Variants in KBTBD6 observed in about 807,000 individuals in gnomAD.
The protein encoded by KBTBD6 is kelch repeat and BTB domain containing 6, also known as kelch repeat and BTB domain-containing protein 6.
A neutral mutation model predicts 34.4 loss-of-function variants in KBTBD6; 6 were observed. That is an observed-to-expected ratio of 0.17 (90% CI 0.10 to 0.34). KBTBD6 has a LOEUF of 0.34. Among genes scored for constraint, KBTBD6 ranks in the 10% least tolerant of loss-of-function variants. The probability of loss-of-function intolerance (pLI) is 1.00; values close to 1 mark genes in which losing one functional copy is unlikely to be tolerated. For missense variants in KBTBD6, 557 were observed against 856.0 expected, an observed-to-expected ratio of 0.65 and a Z score of 4.36; for synonymous variants, 288 against 327.2, an observed-to-expected ratio of 0.88 and a Z score of 1.29.
chr13:41,131,777 C>T lies in KBTBD6; in HGVS notation c.735G>A (p.Gln245=), dbSNP rs1311520737. 1 of 1,614,284 alleles carries T rather than the reference C, an allele frequency of 6.2e-7. No individual in the cohort carries two copies. Among genetic ancestry groups the T allele is most frequent in the South Asian group, 1.1e-5 (1 of 91,092 alleles). ...SEQTVCHVAV[Q]WLEAAPKERG... is the part of the protein sequence containing the mutation. ...GCTCTTTGGGAGCAGCCTCCAGCCA[C>T]TGCACTGCCACATGGCACACTGTCT... The change falls in exon 1 of 1, where the codon CAG becomes CAA. Residue 245 remains glutamine, a synonymous_variant. Coordinates refer to ENST00000379485, the MANE Select transcript of KBTBD6 (RefSeq NM_152903.5). This position sits in a 1 kb window ranked among gnomAD's most constrained non-coding sequence, Gnocchi z 5.8.
chr13:41,131,770 C>T lies in KBTBD6; in HGVS notation c.742G>A (p.Glu248Lys). The T allele has an allele frequency of 6.2e-7, 1 of 1,614,272 alleles. No homozygotes were observed. The highest frequency in any genetic ancestry group is 8.5e-7 in the Non-Finnish European group (1 of 1,180,054). The change falls in exon 1 of 1, where the codon GAG becomes AAG. Residue 248 changes from glutamate (E) to lysine (K), a missense_variant. Physicochemically the swap from Glu to Lys is moderately conservative, Grantham distance 56 (BLOSUM62 1). Transcript: ENST00000379485. The surrounding 1 kb of genome is among the most constrained non-coding windows in gnomAD (Gnocchi z 5.8). ...TVCHVAVQWL[E>K]AAPKERGPSA... ...GGACCCCGCTCTTTGGGAGCAGCCT[C>T]CAGCCACTGCACTGCCACATGGCAC...
rs748358631 is a variant in KBTBD6, at chr13:41,132,478, G to A, written c.34C>T (p.Arg12Cys). The A allele has an allele frequency of 6.2e-7, 1 of 1,614,204 alleles. No homozygotes were observed. Among genetic ancestry groups the A allele is most frequent in the East Asian group, 2.2e-5 (1 of 44,886 alleles). ...TTCCCACCACGGGGACTGGCTAGGC[G>A]GCGAGAGCGCGGGGCGTCTTCCCGG... ...QSREDAPRSR[R>C]LASPRGGKRP... The change falls in exon 1 of 1, where the codon CGC (arginine) becomes TGC (cysteine). Residue 12 changes from arginine to cysteine, a missense_variant. Coordinates refer to ENST00000379485, the MANE Select transcript of KBTBD6 (RefSeq NM_152903.5).
rs149079008 is a variant in KBTBD6, at chr13:41,131,390, G to C, written c.1122C>G (p.Thr374=). The C allele has an allele frequency of 1.2e-6, 2 of 1,614,112 alleles. No homozygotes were observed. Among genetic ancestry groups the C allele is most frequent in the African/African-American group, 1.3e-5 (1 of 75,044 alleles). ...GDLYKVPSPL[T]CLAHTRTVTT... is the part of the protein sequence containing the mutation. ...TGACAGTCCTAGTGTGAGCCAGACA[G>C]GTCAAAGGTGACGGCACTTTGTAAA... The change falls in exon 1 of 1, where the codon ACC becomes ACG. Residue 374 remains threonine, a synonymous_variant. Transcript: ENST00000379485. This position sits in a 1 kb window ranked among gnomAD's most constrained non-coding sequence, Gnocchi z 5.8.
chr13:41,132,095 G>A lies in KBTBD6; in HGVS notation c.417C>T (p.Ala139=). ...CYTGRVSLSE[A]NVERLYAASD... is the part of the protein sequence containing the mutation. Reference sequence around the variant, plus strand: ...AGGCCGCGTACAGGCGCTCCACGTTGGCCTCACTGAGAGACACACGACCCG... The same window carrying A: ...AGGCCGCGTACAGGCGCTCCACGTTAGCCTCACTGAGAGACACACGACCCG... Residue 139 remains alanine (A), a synonymous_variant, in exon 1 of 1, where the codon GCC becomes GCT. Coordinates refer to ENST00000379485, the MANE Select transcript of KBTBD6 (RefSeq NM_152903.5). The A allele has an allele frequency of 1.9e-6, 3 of 1,614,182 alleles. No individual in the cohort carries two copies. Among genetic ancestry groups the A allele is most frequent in the Non-Finnish European group, 2.5e-6 (3 of 1,180,048 alleles).
chr13:41,132,462 C>G lies in KBTBD6; in HGVS notation c.50G>C (p.Arg17Pro), dbSNP rs557215470. Residue 17 changes from arginine to proline, a missense_variant, in exon 1 of 1, where the codon CGT becomes CCT. Arg to Pro is a moderately radical substitution (Grantham distance 103). Coordinates refer to ENST00000379485, the MANE Select transcript of KBTBD6 (RefSeq NM_152903.5). ...AATCTTCTTGGGCCGCTTCCCACCA[C>G]GGGGACTGGCTAGGCGGCGAGAGCG... ...APRSRRLASPRGGKRPKKIHK... is the reference protein window; with the variant it reads ...APRSRRLASPPGGKRPKKIHK... 6.2e-7 allele frequency: 1 copy of G among 1,614,216 alleles called. No individual in the cohort carries two copies. Among genetic ancestry groups the G allele is most frequent in the East Asian group, 2.2e-5 (1 of 44,884 alleles).
Position 41,132,430 on chromosome 13 carries a change from G to T in KBTBD6, c.82C>A (p.Pro28Thr). Residue 28 changes from proline (P) to threonine (T), a missense_variant, in exon 1 of 1, where the codon CCC becomes ACC. Around this residue, in one of 4 missense-constraint regions of KBTBD6, gnomAD observed 40 missense variants for 39.9 expected, o/e 1.00. Transcript: ENST00000379485. ...CCCGTGAAAAAGGCCGAAACTGTGG[G>T]TTTGTGAATCTTCTTGGGCCGCTTC... The part of the protein sequence containing the change: ...GGKRPKKIHK[P>T]TVSAFFTGPE... The T allele has an allele frequency of 6.2e-7, 1 of 1,614,218 alleles. No homozygotes were observed. The highest frequency in any genetic ancestry group is 8.5e-7 in the Non-Finnish European group (1 of 1,180,050).
chr13:41,130,887 G>C lies in KBTBD6; in HGVS notation c.1625C>G (p.Ala542Gly). The C allele has an allele frequency of 6.2e-7, 1 of 1,614,070 alleles. No homozygotes were observed. The highest frequency in any genetic ancestry group is 8.5e-7 in the Non-Finnish European group (1 of 1,179,976). ...PVMKVYNPVR[A>G]EWRQMNNIPL... ...AATATTATTCATTTGCCTCCATTCT[G>C]CCCTAACTGGGTTGTAGACCTTCAT... is the stretch of plus-strand genomic sequence containing the variant. Residue 542 changes from alanine to glycine, a missense_variant, in exon 1 of 1, where the codon GCA becomes GGA. Physicochemically the swap from Ala to Gly is moderately conservative, Grantham distance 60 (BLOSUM62 0). Coordinates refer to ENST00000379485, the MANE Select transcript of KBTBD6 (RefSeq NM_152903.5). The surrounding 1 kb of genome is among the most constrained non-coding windows in gnomAD (Gnocchi z 4.8).
rs1307691891 is a variant in KBTBD6, at chr13:41,132,600, TAGC to T, written c.-92_-90del. The stretch of plus-strand genomic sequence containing the variant: ...CAACCTTCCCTCGCTGACGCTAAGA[TAGC>T]AGCGTCTCCGAAGAGACAGCAGCAC... On this transcript the variant is annotated 5_prime_UTR_variant, in exon 1 of 1. Transcript: ENST00000379485. The T allele has an allele frequency of 2.8e-6, 4 of 1,433,512 alleles. No homozygotes were observed. In the African/African-American group the frequency reaches 4.3e-5, roughly 15 times the overall value. 88.8% of individuals were successfully genotyped at this position (1,433,512 alleles called of 1,614,324 possible).
rs2030054252 is a variant in KBTBD6 at position 41,129,671 on chromosome 13, T to C, written c.*816A>G. 1 of 133,592 alleles carries C rather than the reference T, an allele frequency of 7.5e-6. No individual in the cohort carries two copies. The highest frequency in any genetic ancestry group is 1.6e-5 in the Non-Finnish European group (1 of 62,758). 8.3% of individuals were successfully genotyped at this position (133,592 alleles called of 1,614,324 possible). ...TTTCTTTTTTTTTTTTCCTTTTTTT[T>C]TTTTTTTTTTTTTTGAGACGGAGTC... On this transcript the variant is annotated 3_prime_UTR_variant, in exon 1 of 1. Coordinates refer to ENST00000379485, the MANE Select transcript of KBTBD6 (RefSeq NM_152903.5).
In KBTBD6 at chr13:41,130,977, C is replaced by T. The variant is rs748773603; in HGVS notation, c.1535G>A (p.Arg512His). ...GACGCAGGCTTCCTGAAAGTCATTG[C>T]GCTTCAGAGAAACGCACTTCAGCCA... ...NMWLKCVSLK[R>H]NDFQEACVFN... is the part of the protein sequence containing the mutation. Residue 512 changes from arginine to histidine, a missense_variant, in exon 1 of 1, where the codon CGC becomes CAC. Transcript: ENST00000379485. The surrounding 1 kb of genome is among the most constrained non-coding windows in gnomAD (Gnocchi z 4.8). 2.5e-6 allele frequency: 4 copies of T among 1,613,976 alleles called. No homozygotes were observed. The highest frequency in any genetic ancestry group is 2.2e-5 in the South Asian group (2 of 91,094).
Position 41,132,278 on chromosome 13 carries a change from C to T in KBTBD6, c.234G>A (p.Thr78=), listed in dbSNP as rs1179522447. Reference sequence around the variant, plus strand: ...TGCGGTTGCAGGGGAACAGGCGACCCGTGCCAGGCCCGCTGCCAGGCGTCA... The same window carrying T: ...TGCGGTTGCAGGGGAACAGGCGACCTGTGCCAGGCCCGCTGCCAGGCGTCA... ...EVVTPGSGPG[T]GRLFPCNRNV... is the part of the protein sequence containing the mutation. Residue 78 remains threonine, a synonymous_variant, in exon 1 of 1, where the codon ACG becomes ACA. Transcript: ENST00000379485. 1 of 1,614,112 alleles carries T rather than the reference C, an allele frequency of 6.2e-7. No individual in the cohort carries two copies.
Position 41,131,084 on chromosome 13 carries a change from G to C in KBTBD6, c.1428C>G (p.Ser476=), listed in dbSNP as rs373291336. 121 of 1,614,042 alleles carry C rather than the reference G, an allele frequency of 7.5e-5. No individual in the cohort carries two copies. The highest frequency in any genetic ancestry group is 9.7e-5 in the Non-Finnish European group (115 of 1,180,032). Residue 476 remains serine (S), a synonymous_variant, in exon 1 of 1, where the codon TCC becomes TCG. Transcript: ENST00000379485. This position sits in a 1 kb window ranked among gnomAD's most constrained non-coding sequence, Gnocchi z 5.8. ...LVAPLPHSFL[S]FDLMVIRDYL... is the part of the protein sequence containing the mutation. ...AGTCTCGAATTACCATTAGGTCAAA[G>C]GATAAAAAAGAATGGGGCAGTGGAG...
rs766944193 is a variant in KBTBD6 at position 41,132,620 on chromosome 13, C to G, written c.-109G>C. 49 of 1,296,786 alleles carry G rather than the reference C, an allele frequency of 3.8e-5. No homozygotes were observed. The highest frequency in any genetic ancestry group is 9.4e-5 in the East Asian group (4 of 42,468). 80.3% of individuals were successfully genotyped at this position (1,296,786 alleles called of 1,614,324 possible). ...TAAGATAGCAGCGTCTCCGAAGAGACAGCAGCACGAGCCCATTTACTGAAT... is the reference window on the plus strand; with the variant it reads ...TAAGATAGCAGCGTCTCCGAAGAGAGAGCAGCACGAGCCCATTTACTGAAT... On this transcript the variant is annotated 5_prime_UTR_variant, in exon 1 of 1. Transcript: ENST00000379485.
rs1186093998 is a variant in KBTBD6 at position 41,129,406 on chromosome 13, G to C, written c.*1081C>G. The C allele has an allele frequency of 1.3e-5, 2 of 152,098 alleles. No homozygotes were observed. The highest frequency in any genetic ancestry group is 3.9e-4 in the East Asian group (2 of 5,188). 9.4% of individuals were successfully genotyped at this position (152,098 alleles called of 1,614,324 possible). ...TAGATCAACAATACAAACCTACAAA[G>C]CAAGTTACTTCTTTTTTAAGGTTTT... On this transcript the variant is annotated 3_prime_UTR_variant, in exon 1 of 1. Transcript: ENST00000379485.
chr13:41,128,485 G>A lies in KBTBD6; in HGVS notation c.*2002C>T. On this transcript the variant is annotated 3_prime_UTR_variant, in exon 1 of 1. Coordinates refer to ENST00000379485, the MANE Select transcript of KBTBD6 (RefSeq NM_152903.5). ...TATGGTAACAGAAAAACAAAGACTGGAGCATGGTTTACAGAGAAATACAAA... is the reference window on the plus strand; with the variant it reads ...TATGGTAACAGAAAAACAAAGACTGAAGCATGGTTTACAGAGAAATACAAA... The A allele has an allele frequency of 7.6e-6, 3 of 397,064 alleles. No individual in the cohort carries two copies. Among genetic ancestry groups the A allele is most frequent in the South Asian group, 2.6e-4 (2 of 7,830 alleles). The allele number at this position is 397,064 out of a possible 1,614,324, so 24.6% of individuals were successfully genotyped here. A position where few individuals can be genotyped will look rare whatever the true frequency, so the allele number is the denominator to read the frequency against.
chr13:41,131,811 T>C lies in KBTBD6; in HGVS notation c.701A>G (p.Glu234Gly). ...CACATGGCACACTGTCTGCTCACTC[T>C]CCACGTCCAGACTATCCAAGCGCAG... Reference protein sequence around the residue: ...AVLRLDSLDVESEQTVCHVAV... With the variant: ...AVLRLDSLDVGSEQTVCHVAV... The change falls in exon 1 of 1, where the codon GAG becomes GGG. Residue 234 changes from glutamate (E) to glycine (G), a missense_variant. Glu to Gly is a moderately conservative substitution (Grantham distance 98). Coordinates refer to ENST00000379485, the MANE Select transcript of KBTBD6 (RefSeq NM_152903.5). The surrounding 1 kb of genome is among the most constrained non-coding windows in gnomAD (Gnocchi z 5.8). 2.5e-6 allele frequency: 4 copies of C among 1,614,272 alleles called. No individual in the cohort carries two copies. Among genetic ancestry groups the C allele is most frequent in the Non-Finnish European group, 3.4e-6 (4 of 1,180,050 alleles).
rs764696194 is a variant in KBTBD6 at position 41,131,231 on chromosome 13, G to A, written c.1281C>T (p.Gly427=). Residue 427 remains glycine (G), a synonymous_variant, in exon 1 of 1, where the codon GGC becomes GGT. Coordinates refer to ENST00000379485, the MANE Select transcript of KBTBD6 (RefSeq NM_152903.5). This position sits in a 1 kb window ranked among gnomAD's most constrained non-coding sequence, Gnocchi z 5.8. ...QLADRLLCRE[G]MDVAYLNGYI... ...AGCCATTGAGATATGCCACATCCATGCCCTCACGACACAGCAAGCGATCTG... is the reference window on the plus strand; with the variant it reads ...AGCCATTGAGATATGCCACATCCATACCCTCACGACACAGCAAGCGATCTG... The A allele has an allele frequency of 1.9e-6, 3 of 1,614,146 alleles. No individual in the cohort carries two copies. Among genetic ancestry groups the A allele is most frequent in the Non-Finnish European group, 2.5e-6 (3 of 1,180,036 alleles).
rs761796945 is a variant in KBTBD6, at chr13:41,131,981, G to A, written c.531C>T (p.Leu177=). ...RLDLTNCTAI[L]KFADAFGHRK... ...GATGGCCAAAGGCATCTGCAAACTT[G>A]AGGATGGCGGTGCAGTTGGTCAGGT... The change falls in exon 1 of 1, where the codon CTC becomes CTT. Residue 177 remains leucine (L), a synonymous_variant. Transcript: ENST00000379485. This position sits in a 1 kb window ranked among gnomAD's most constrained non-coding sequence, Gnocchi z 5.8. 1.9e-6 allele frequency: 3 copies of A among 1,614,282 alleles called. No homozygotes were observed. Among genetic ancestry groups the A allele is most frequent in the Non-Finnish European group, 2.5e-6 (3 of 1,180,052 alleles).
At position 41,132,773 on chromosome 13, in the gene KBTBD6, A is replaced by C. The variant is rs2030137382; in HGVS notation, c.-262T>G. Reference sequence around the variant, plus strand: ...GGACCCGCTGGCTTGGAGCCGCAGAAGCCGCTACTGCAGCGTGGGCGACAA... The same window carrying C: ...GGACCCGCTGGCTTGGAGCCGCAGACGCCGCTACTGCAGCGTGGGCGACAA... On this transcript the variant is annotated 5_prime_UTR_variant, in exon 1 of 1. Transcript: ENST00000379485. The C allele has an allele frequency of 1.9e-6, 1 of 529,846 alleles. No homozygotes were observed. The highest frequency in any genetic ancestry group is 3.2e-5 in the East Asian group (1 of 31,610). The allele number at this position is 529,846 out of a possible 1,614,324, so 32.8% of individuals were successfully genotyped here.
Sources: gnomAD v4.1 joint callset for allele counts on GRCh38, gnomAD v4.1.1 for gene constraint, gnomAD v4.1.1 regional missense constraint, Gnocchi (gnomAD v3.1) non-coding constraint, MANE v1.5 for transcripts, NCBI Gene and HGNC (gene_info 2026-07-23, HGNC 2026-07-21) for gene names.